GRTP1: variants seen among roughly 807,000 people sequenced by gnomAD.
GRTP1 encodes the protein growth hormone regulated TBC protein 1, also known as growth hormone-regulated TBC protein 1.
Under a neutral mutation model 38.1 loss-of-function variants are expected in GRTP1, and 56 were observed. The ratio of observed to expected loss-of-function variants is 1.47; its 90% CI spans 1.19 to 1.84. The LOEUF (loss-of-function observed/expected upper bound fraction) is 1.84. GRTP1 is among the 40% of genes most tolerant of loss of function. The probability of loss-of-function intolerance (pLI) is 0.00; values close to 1 mark genes in which losing one functional copy is unlikely to be tolerated. For synonymous variants in GRTP1, 217 were observed against 189.5 expected, an observed-to-expected ratio of 1.14 and a Z score of -1.19; for missense variants, 506 against 453.9, an observed-to-expected ratio of 1.11 and a Z score of -1.04.
At chr13:113,325,540 C>T in intron 7 of GRTP1, 121 bp downstream of exon 7, 7 of 1,563,114 alleles carry the variant, frequency 4.5e-6, no homozygotes, top group Non-Finnish European at 6.1e-6. Flanking sequence ...GAGGCTCATC[C>T]TGTGCCCTAT....
rs1411149685 is a variant in GRTP1 at position 113,342,028 on chromosome 13, C to T, written c.562+2835G>A. Among the ~76,000 whole-genome samples the T allele has an allele frequency of 6.6e-6, 1 of 152,016 alleles. No homozygotes were observed. Among genetic ancestry groups the T allele is most frequent in the Admixed American group, 6.6e-5 (1 of 15,264 alleles). On this transcript the variant is annotated intron_variant, in intron 5 of 7. Coordinates refer to ENST00000375431, the MANE Select transcript of GRTP1 (RefSeq NM_024719.4). The surrounding 1 kb of genome is among the most constrained non-coding windows in gnomAD (Gnocchi z 4.5). Reference sequence around the variant, plus strand: ...GTGGTGTGATCTAGCTCACTGCAACCTCAGCCTCCCTCAAGCTGATTCTTG... The same window carrying T: ...GTGGTGTGATCTAGCTCACTGCAACTTCAGCCTCCCTCAAGCTGATTCTTG...
rs373913863 is a variant in GRTP1 at position 113,346,579 on chromosome 13, C to A, written c.466-1620G>T. 1.7e-3 allele frequency among the ~76,000 whole-genome samples: 7 copies of A among 4,166 alleles called. 1 individual carries two copies. The highest frequency in any genetic ancestry group is 1.8e-3 in the African/African-American group (7 of 3,862). The allele number at this position is 4,166 out of a possible 152,430, so 2.7% of individuals were successfully genotyped here. ...GCAGACCCAGGAGGACCTCTGTGGC[C>A]GAGAACAGACCCGGGAGGACCTCTG... On this transcript the variant is annotated intron_variant, in intron 4 of 7. Transcript: ENST00000375431.
intron 4 of GRTP1, among the ~76,000 whole-genome samples, chr13:113,347,173 A>T (rs201872825): frequency 0.098 from 49 of 500 alleles, 2 homozygotes; most frequent in South Asian, 0.36. Flanking sequence ...CCTCTGTGGC[A>T]GAGAGCAGAC....
intron 5 of GRTP1, among the ~76,000 whole-genome samples, chr13:113,335,654 T>C (rs1012611158): frequency 2.6e-5 from 4 of 152,122 alleles, no homozygotes; most frequent in African/African-American, 9.7e-5. Context: ...ACTGCCCTTC[T>C]ACTCTCTGCC....
At chr13:113,353,535 A>T (rs932986647) in intron 3 of GRTP1, among the ~76,000 whole-genome samples, 3 of 151,494 alleles carry the variant, frequency 2.0e-5, no homozygotes, top group East Asian at 3.8e-4. Context: ...GACTCCTCTT[A>T]TGTGACCCTG....
chr13:113,346,472 G>A lies in GRTP1; in HGVS notation c.466-1513C>T, dbSNP rs374643471. ...GACCTCTGTGGACAAGAGCAGACCC[G>A]GGAGGACCTCTGTGCCTGACAGTGG... is the stretch of plus-strand genomic sequence containing the variant. On this transcript the variant is annotated intron_variant, in intron 4 of 7. Transcript: ENST00000375431. Among the ~76,000 whole-genome samples, 9 of 6,512 alleles carry A rather than the reference G, an allele frequency of 1.4e-3. 1 individual carries two copies. Among genetic ancestry groups the A allele is most frequent in the African/African-American group, 1.4e-3 (8 of 5,862 alleles). The allele number at this position is 6,512 out of a possible 152,430, so 4.3% of individuals were successfully genotyped here.
chr13:113,363,991 C>A, intron 1 of GRTP1, 29 bp downstream of exon 1: 1 of 1,492,228 alleles, frequency 6.7e-7, no homozygotes, highest in East Asian at 2.6e-5. Flanking sequence ...CCGCAGCCGC[C>A]GGGGACGCCC....
At chr13:113,326,234 T>A in intron 5 of GRTP1, 143 bp from the exon 6 acceptor site, 1 of 1,000,858 alleles carries the variant, frequency 1.0e-6, no homozygotes, top group East Asian at 2.6e-5. Context: ...AGAGGAAGAG[T>A]CGGGGTGAGG....
chr13:113,354,697 T>C (rs1436380728), intron 3 of GRTP1, among the ~76,000 whole-genome samples: 1 of 152,062 alleles, frequency 6.6e-6, no homozygotes, highest in African/African-American at 2.4e-5. Context: ...CCCGGCTATT[T>C]TGTATTTTTA....
chr13:113,325,595 GC>G (rs773363416), intron 7 of GRTP1, 65 bp downstream of exon 7: 65 of 1,611,578 alleles, frequency 4.0e-5, no homozygotes, highest in Non-Finnish European at 4.9e-5. Context: ...GGTCAGAGCA[GC>G]CCCCGGGCTG....
intron 5 of GRTP1, 69 bp from the exon 6 acceptor site, chr13:113,326,160 A>G (rs1430858932): frequency 6.4e-7 from 1 of 1,570,196 alleles, no homozygotes; most frequent in African/African-American, 1.4e-5. Flanking sequence ...TTCCCCTCAG[A>G]GCCAGACAAA....
At chr13:113,326,390 G>GGGGGGGGGGGGT (rs1555313487) in intron 5 of GRTP1, among the ~76,000 whole-genome samples, 1 of 80,606 alleles carries the variant, frequency 1.2e-5, no homozygotes, top group Non-Finnish European at 2.3e-5. Flanking sequence ...GGGGGGGGGG[G>GGGGGGGGGGGGT]GCGGGAGCGT....
chr13:113,352,324 T>TTATATATATATTTTATATATATA, intron 3 of GRTP1, among the ~76,000 whole-genome samples: 1 of 13,706 alleles, frequency 7.3e-5, no homozygotes, highest in African/African-American at 2.4e-4. Flanking sequence ...TTATATATAT[T>TTATATATATATTTTATATATATA]TTTATATATA....
chr13:113,348,608 G>A lies in GRTP1; in HGVS notation c.465+2241C>T, dbSNP rs143107664. ...GGATGGGGTCATGGAGGAGTTGGTG[G>A]GCCCTATCCAAGCCTGGTGTCCTTG... On this transcript the variant is annotated intron_variant, in intron 4 of 7. Transcript: ENST00000375431. This position sits in a 1 kb window ranked among gnomAD's most constrained non-coding sequence, Gnocchi z 4.8. 6.6e-6 allele frequency among the ~76,000 whole-genome samples: 1 copy of A among 152,234 alleles called. No individual in the cohort carries two copies. Among genetic ancestry groups the A allele is most frequent in the African/African-American group, 2.4e-5 (1 of 41,530 alleles).
intron 5 of GRTP1, among the ~76,000 whole-genome samples, chr13:113,341,445 T>G (rs575756011): frequency 2.6e-5 from 4 of 152,174 alleles, no homozygotes; most frequent in East Asian, 1.9e-4. Flanking sequence ...TTTTGTATTT[T>G]TAGTAGAGAT....
chr13:113,340,996 C>T (rs2043018646), intron 5 of GRTP1, among the ~76,000 whole-genome samples: 1 of 151,478 alleles, frequency 6.6e-6, no homozygotes, highest in African/African-American at 2.4e-5. Context: ...TTAAAAATCT[C>T]TACAAATCTT....
chr13:113,355,810 G>A (rs1186021836), intron 2 of GRTP1: 1 of 185,196 alleles, frequency 5.4e-6, no homozygotes, highest in Non-Finnish European at 1.1e-5. Flanking sequence ...CAGCAGCAAA[G>A]GGGCAAAGCA....
At chr13:113,330,434 G>A (rs1358080101) in intron 5 of GRTP1, among the ~76,000 whole-genome samples, 15 of 94,150 alleles carry the variant, frequency 1.6e-4, no homozygotes, top group East Asian at 3.4e-4. Flanking sequence ...ATGGGAGCCC[G>A]GGTGTGTGCA....
intron 5 of GRTP1, among the ~76,000 whole-genome samples, chr13:113,327,079 A>G (rs9603826): frequency 6.6e-6 from 1 of 152,218 alleles, no homozygotes; most frequent in East Asian, 1.9e-4. Context: ...TCAGATAAAT[A>G]CTTCCAACAG....
Sources: allele counts gnomAD v4.1 joint callset (sites outside exome capture counted in the v4.1 genomes callset), GRCh38; gene constraint gnomAD v4.1.1; non-coding constraint Gnocchi (gnomAD v3.1); transcripts MANE v1.5; gene names NCBI Gene and HGNC (gene_info 2026-07-23, HGNC 2026-07-21).